Variants in CDH23 observed in about 807,000 individuals in gnomAD.
CDH23 encodes cadherin-23.
Under a neutral mutation model 317.1 loss-of-function variants are expected in CDH23, and 189 were observed. The observed-to-expected ratio is 0.60, with a 90% CI of 0.53 to 0.67. CDH23 has a LOEUF of 0.67. CDH23 is among the 30% of genes least tolerant of loss of function. CDH23 has a pLI of 0.00. For missense variants in CDH23, 4,401 were observed against 4,592.4 expected (o/e 0.96, Z 1.20); for synonymous variants, 1,839 against 1,876.8 (o/e 0.98, Z 0.52).
At chr10:71,704,448 T>G (rs1038427472) in intron 24 of CDH23, among the ~76,000 whole-genome samples, 1 of 152,118 alleles carries the variant, frequency 6.6e-6, no homozygotes, top group Non-Finnish European at 1.5e-5. Context: ...GAACCCTTGA[T>G]GTAATTTTAT....
intron 55 of CDH23, among the ~76,000 whole-genome samples, chr10:71,805,010 T>C (rs1239943393): frequency 6.6e-6 from 1 of 152,236 alleles, no homozygotes; most frequent in African/African-American, 2.4e-5. Context: ...TATGTCGTCC[T>C]ACTTGTTATT....
intron 9 of CDH23, among the ~76,000 whole-genome samples, chr10:71,586,722 C>T (rs1275250908): frequency 6.6e-6 from 1 of 152,186 alleles, no homozygotes; most frequent in Admixed American, 6.5e-5. Context: ...TATTCTCTTC[C>T]TTTTGGCAAA....
chr10:71,677,783 A>G, intron 16 of CDH23, 90 bp downstream of exon 16: 1 of 1,103,142 alleles, frequency 9.1e-7, no homozygotes. Flanking sequence ...TTTTGTTTTT[A>G]TGAGACAGGT....
At chr10:71,789,679 A>G (rs12414476) in intron 45 of CDH23, among the ~76,000 whole-genome samples, 15,911 of 152,232 alleles carry the variant, frequency 0.1, 1,178 homozygotes, top group East Asian at 0.37. Context: ...GTGTGTGTCC[A>G]TACCAAGGCA....
intron 1 of CDH23, among the ~76,000 whole-genome samples, chr10:71,405,801 A>C (rs1338537434): frequency 6.6e-6 from 1 of 151,854 alleles, no homozygotes; most frequent in East Asian, 1.9e-4. Context: ...ATCCTTCCAA[A>C]CCCATCCTGT....
At chr10:71,742,507 C>T (rs2132849136) in intron 38 of CDH23, among the ~76,000 whole-genome samples, 1 of 152,330 alleles carries the variant, frequency 6.6e-6, no homozygotes, top group South Asian at 2.1e-4. Context: ...TCCTCAAGGG[C>T]TGGATGGAGA....
At chr10:71,812,140 C>A in intron 66 of CDH23, 125 bp downstream of exon 66, 5 of 1,596,478 alleles carry the variant, frequency 3.1e-6, no homozygotes, top group South Asian at 1.1e-5. Context: ...CCCTGGTGGG[C>A]GGGCCACCCT....
intron 38 of CDH23, among the ~76,000 whole-genome samples, chr10:71,745,515 C>T (rs973408045): frequency 6.6e-6 from 1 of 152,150 alleles, no homozygotes; most frequent in South Asian, 2.1e-4. Flanking sequence ...AAGACCCCCC[C>T]TCTACTGCCT....
chr10:71,608,097 G>T (rs1325707079), intron 9 of CDH23, among the ~76,000 whole-genome samples: 4 of 152,192 alleles, frequency 2.6e-5, no homozygotes, highest in African/African-American at 7.2e-5. Flanking sequence ...GGAATGAGTG[G>T]TTTGCAGGAG....
rs775479265 is a variant in CDH23 at position 71,806,280 on chromosome 10, C to T, written c.8177C>T (p.Pro2726Leu). The change falls in exon 57 of 70, where the codon CCA (proline) becomes CTA (leucine). Residue 2726 changes from proline to leucine, a missense_variant and splice_region_variant. Transcript: ENST00000224721. ...DDNEPLFVRP[P>L]KGSPQYQLLT... The stretch of plus-strand genomic sequence containing the variant: ...AACGAACCCCTTTTCGTGAGGCCTC[C>T]AGTGAGCTTGCCCACCTCCTGCGCT... 1 of 1,551,560 alleles carries T rather than the reference C, an allele frequency of 6.4e-7. No homozygotes were observed. Among genetic ancestry groups the T allele is most frequent in the Non-Finnish European group, 8.7e-7 (1 of 1,148,138 alleles).
chr10:71,518,956 G>T (rs1242227525), intron 6 of CDH23, among the ~76,000 whole-genome samples: 1 of 152,212 alleles, frequency 6.6e-6, no homozygotes. Context: ...CAAGGCTGTG[G>T]GCGTCCTCCA....
intron 11 of CDH23, among the ~76,000 whole-genome samples, chr10:71,640,679 G>A (rs1412210313): frequency 6.6e-6 from 1 of 152,154 alleles, no homozygotes; most frequent in African/African-American, 2.4e-5. Context: ...ACTGGGACTC[G>A]GGAGGCAGAG....
chr10:71,618,586 C>T (rs1861309367), intron 11 of CDH23, among the ~76,000 whole-genome samples: 2 of 152,186 alleles, frequency 1.3e-5, no homozygotes, highest in Non-Finnish European at 2.9e-5. Flanking sequence ...TGCTTCTCTT[C>T]GATTACTCCT....
chr10:71,712,718 G>A lies in CDH23; in HGVS notation c.3274G>A (p.Val1092Ile), dbSNP rs761607917. The change falls in exon 28 of 70, where the codon GTC becomes ATC. Residue 1092 changes from valine to isoleucine, a missense_variant. Physicochemically the swap from Val to Ile is conservative, Grantham distance 29. Transcript: ENST00000224721. ...HTGTATVFVT[V>I]LDVNDNRPIF... ...GGGCACAGCCACCGTGTTCGTCACT[G>A]TCCTGGATGTGAATGACAACCGGCC... 1.9e-6 allele frequency: 3 copies of A among 1,613,734 alleles called. No individual in the cohort carries two copies. The highest frequency in any genetic ancestry group is 2.5e-6 in the Non-Finnish European group (3 of 1,179,868).
chr10:71,759,852 C>CACACACACACACAT (rs1840261781), intron 38 of CDH23, among the ~76,000 whole-genome samples: 1 of 76,908 alleles, frequency 1.3e-5, no homozygotes, highest in Non-Finnish European at 2.6e-5. Context: ...CACACATATA[C>CACACACACACACAT]ACACACACAC....
chr10:71,667,387 T>C (rs1203445710), intron 14 of CDH23, among the ~76,000 whole-genome samples: 128 of 149,870 alleles, frequency 8.5e-4, no homozygotes, highest in African/African-American at 3.1e-3. Flanking sequence ...TGTGTGTGTG[T>C]GTGTGTGTGC....
intron 32 of CDH23, chr10:71,732,689 T>G: frequency 2.3e-6 from 3 of 1,321,920 alleles, no homozygotes; most frequent in Non-Finnish European, 2.9e-6. Context: ...ACATCCATTT[T>G]CATATGTAGG....
At chr10:71,536,601 A>G (rs1042867092) in intron 6 of CDH23, among the ~76,000 whole-genome samples, 3 of 152,180 alleles carry the variant, frequency 2.0e-5, no homozygotes, top group African/African-American at 4.8e-5. Context: ...TGAATTTGGA[A>G]TGGGGCTGGA....
rs1487887322 is a variant in CDH23, at chr10:71,702,283, G to A, written c.2587+72G>A. On this transcript the variant is annotated intron_variant, in intron 23 of 69. Coordinates refer to ENST00000224721, the MANE Select transcript of CDH23 (RefSeq NM_022124.6). ...GGTGTCCCTGGTGACTGGGCCTCTG[G>A]GGTACCTGGGGCCCACCCAGGAGGT... is the stretch of plus-strand genomic sequence containing the variant. 75 of 1,517,568 alleles carry A rather than the reference G, an allele frequency of 4.9e-5. 1 individual carries two copies. The East Asian group carries it at 6.8e-4, about 14-fold the overall frequency. The allele number at this position is 1,517,568 out of a possible 1,614,324, so 94.0% of individuals were successfully genotyped here. A position where few individuals can be genotyped will look rare whatever the true frequency, so the allele number is the denominator to read the frequency against.
Sources: gnomAD v4.1 joint callset for allele counts (sites outside exome capture counted in the v4.1 genomes callset) on GRCh38, gnomAD v4.1.1 for gene constraint, MANE v1.5 for transcripts, NCBI Gene and HGNC (gene_info 2026-07-23, HGNC 2026-07-21) for gene names.